B3GALT1: variants seen among roughly 807,000 people sequenced by gnomAD.
B3GALT1 encodes UDP-Gal:betaGlcNAc beta 1,3-galactosyltransferase, polypeptide 1.
In B3GALT1, 10 loss-of-function variants were observed where a neutral mutation model predicts 23.2. The ratio of observed to expected loss-of-function variants is 0.43; its 90% CI spans 0.27 to 0.73. B3GALT1 has a LOEUF of 0.73. B3GALT1 is among the 30% of genes least tolerant of loss of function. The pLI, the probability that B3GALT1 is intolerant of heterozygous loss-of-function variation, is 0.21. For synonymous variants in B3GALT1, 156 were observed against 141.5 expected (o/e 1.10, Z -0.73); for missense variants, 299 against 405.4 (o/e 0.74, Z 2.25).
chr2:167,815,006 C>T (rs1688966796), intron 3 of B3GALT1: 1 of 152,262 alleles, frequency 6.6e-6, no homozygotes. Context: ...CCAGCTCTGC[C>T]CAAGCCCATG....
intron 1 of B3GALT1, among the ~76,000 whole-genome samples, chr2:167,371,290 A>C (rs1697681090): frequency 6.6e-6 from 1 of 152,178 alleles, no homozygotes; most frequent in Non-Finnish European, 1.5e-5. Flanking sequence ...AAAACTCTTT[A>C]ATCTTTATAA....
chr2:167,649,800 A>G (rs1207737031), intron 3 of B3GALT1, among the ~76,000 whole-genome samples: 1 of 151,962 alleles, frequency 6.6e-6, no homozygotes, highest in East Asian at 1.9e-4. Context: ...TATTAGCTCC[A>G]ATCGTTTTTT....
At chr2:167,450,293 GT>G (rs1699067916) in intron 1 of B3GALT1, among the ~76,000 whole-genome samples, 1 of 151,354 alleles carries the variant, frequency 6.6e-6, no homozygotes, top group Admixed American at 6.6e-5. Flanking sequence ...TCTAGTTATA[GT>G]TTCTGTTTAT....
chr2:167,513,224 TTATTCA>T lies in B3GALT1; in HGVS notation c.-410+22952_-410+22957del, dbSNP rs559835063. On this transcript the variant is annotated intron_variant, in intron 2 of 4. Transcript: ENST00000392690. ...AATTTTACAAAGTAAATAACCTCAC[TTATTCA>T]TATTTAGTGCTGAAATATTAAAATC... 8.5e-5 allele frequency among the ~76,000 whole-genome samples: 13 copies of T among 152,128 alleles called. No individual in the cohort carries two copies. The South Asian group carries it at 2.7e-3, about 31-fold the overall frequency.
intron 1 of B3GALT1, among the ~76,000 whole-genome samples, chr2:167,402,701 C>G (rs1405623685): frequency 1.3e-5 from 2 of 152,072 alleles, no homozygotes; most frequent in Non-Finnish European, 2.9e-5. Flanking sequence ...ACTTAAATCT[C>G]AAGTCATCTG....
chr2:167,590,824 C>A (rs569383610), intron 2 of B3GALT1, among the ~76,000 whole-genome samples: 4 of 152,244 alleles, frequency 2.6e-5, no homozygotes, highest in African/African-American at 9.6e-5. Context: ...AAGTCCAAAA[C>A]AAAATTCTTA....
chr2:167,580,913 G>A (rs962757278), intron 2 of B3GALT1, among the ~76,000 whole-genome samples: 1 of 152,118 alleles, frequency 6.6e-6, no homozygotes, highest in Non-Finnish European at 1.5e-5. Context: ...ACTGATATGT[G>A]TTCACTACAG....
intron 1 of B3GALT1, among the ~76,000 whole-genome samples, chr2:167,469,217 A>G (rs1052032552): frequency 1.2e-4 from 18 of 152,330 alleles, no homozygotes; most frequent in East Asian, 1.9e-4. Flanking sequence ...GCTAGAGTGT[A>G]AAAACCCTAT....
intron 1 of B3GALT1, among the ~76,000 whole-genome samples, chr2:167,377,743 C>T (rs892250321): frequency 2.0e-5 from 3 of 152,062 alleles, no homozygotes; most frequent in Admixed American, 2.0e-4. Flanking sequence ...CTCTTAAAGA[C>T]AGCAGACAGG....
At chr2:167,516,892 C>T (rs908533960) in intron 2 of B3GALT1, among the ~76,000 whole-genome samples, 1 of 151,634 alleles carries the variant, frequency 6.6e-6, no homozygotes, top group East Asian at 1.9e-4. Flanking sequence ...GTTTCAATCC[C>T]GTGACCAGCC....
chr2:167,336,539 G>A (rs1697059502), intron 1 of B3GALT1, among the ~76,000 whole-genome samples: 1 of 152,108 alleles, frequency 6.6e-6, no homozygotes, highest in African/African-American at 2.4e-5. Context: ...ACTCACTATT[G>A]ATTACTGATT....
At chr2:167,808,689 T>A (rs554626216) in intron 3 of B3GALT1, among the ~76,000 whole-genome samples, 4 of 148,296 alleles carry the variant, frequency 2.7e-5, no homozygotes, top group Non-Finnish European at 4.5e-5. Flanking sequence ...GTGGGTAACC[T>A]GACCTTTCTC....
chr2:167,732,851 A>G (rs1011678912), intron 3 of B3GALT1, among the ~76,000 whole-genome samples: 8 of 152,266 alleles, frequency 5.3e-5, no homozygotes, highest in African/African-American at 9.6e-5. Context: ...TTGATGACTT[A>G]GGAAGATTAT....
intron 2 of B3GALT1, among the ~76,000 whole-genome samples, chr2:167,531,733 C>G (rs2105368195): frequency 6.6e-6 from 1 of 152,246 alleles, no homozygotes; most frequent in Non-Finnish European, 1.5e-5. Context: ...TAACTATACT[C>G]TATAATTATG....
At chr2:167,452,003 C>G (rs78341625) in intron 1 of B3GALT1, among the ~76,000 whole-genome samples, 1,762 of 152,234 alleles carry the variant, frequency 0.012, 39 homozygotes, top group African/African-American at 0.041. Flanking sequence ...CCATGGAGCC[C>G]AAGAGGCTGG....
chr2:167,691,682 G>A (rs893544370), intron 3 of B3GALT1, among the ~76,000 whole-genome samples: 2 of 152,124 alleles, frequency 1.3e-5, no homozygotes, highest in African/African-American at 2.4e-5. Context: ...TGTGTAATGT[G>A]TATTTGCTGT....
At chr2:167,625,942 C>CATATGTAT (rs1685333321) in intron 2 of B3GALT1, among the ~76,000 whole-genome samples, 1 of 118,412 alleles carries the variant, frequency 8.4e-6, no homozygotes, top group African/African-American at 3.6e-5. Context: ...ATGACTAGGC[C>CATATGTAT]ATATATATAT....
chr2:167,597,208 C>T (rs756435399), intron 2 of B3GALT1, among the ~76,000 whole-genome samples: 10 of 151,672 alleles, frequency 6.6e-5, no homozygotes, highest in South Asian at 2.1e-4. Context: ...CTCCGCCTTC[C>T]GGGTTCATGC....
intron 1 of B3GALT1, among the ~76,000 whole-genome samples, chr2:167,362,589 C>T (rs1302003260): frequency 6.6e-6 from 1 of 152,028 alleles, no homozygotes; most frequent in Non-Finnish European, 1.5e-5. Context: ...TTCCTTCATC[C>T]ATGTCCCCGT....
Sources: allele counts gnomAD v4.1 joint callset (sites outside exome capture counted in the v4.1 genomes callset), GRCh38; gene constraint gnomAD v4.1.1; transcripts MANE v1.5; gene names NCBI Gene and HGNC (gene_info 2026-07-23, HGNC 2026-07-21).